CTNND2: variants seen among roughly 807,000 people sequenced by gnomAD.
CTNND2 encodes the protein catenin delta 2.
A neutral mutation model predicts 144.4 loss-of-function variants in CTNND2; 22 were observed. That is an observed-to-expected ratio of 0.15 (90% CI 0.11 to 0.22). The LOEUF is 0.22. Among genes scored for constraint, CTNND2 ranks in the 10% least tolerant of loss-of-function variants. CTNND2 has a pLI of 1.00. For synonymous variants in CTNND2, 751 were observed against 695.6 expected, an observed-to-expected ratio of 1.08 and a Z score of -1.25; for missense variants, 1,353 against 1,618.8, an observed-to-expected ratio of 0.84 and a Z score of 2.82.
chr5:11,903,069 G>A lies in CTNND2; in HGVS notation c.37+748C>T, dbSNP rs1738039379. On this transcript the variant is annotated intron_variant, in intron 1 of 21. Transcript: ENST00000304623. This position sits in a 1 kb window ranked among gnomAD's most constrained non-coding sequence, Gnocchi z 5.4. ...CACTACACACCAGAATAAGATGAGGGTCGGGAAAAAAAGAAAAAAGCAGCT... is the reference window on the plus strand; with the variant it reads ...CACTACACACCAGAATAAGATGAGGATCGGGAAAAAAAGAAAAAAGCAGCT... 1.4e-5 allele frequency: 6 copies of A among 432,828 alleles called. No individual in the cohort carries two copies. In the Admixed American group the frequency reaches 3.2e-4, roughly 23 times the overall value. 26.8% of individuals were successfully genotyped at this position (432,828 alleles called of 1,614,324 possible). A position where few individuals can be genotyped will look rare whatever the true frequency, so the allele number is the denominator to read the frequency against.
At position 11,214,262 on chromosome 5, in the gene CTNND2, G is replaced by A. The variant is rs149962098; in HGVS notation, c.1762-14601C>T. On this transcript the variant is annotated intron_variant, in intron 10 of 21. Transcript: ENST00000304623. ...AACTCTTTTAAAATCTTTCATGCATGAAATGTCAGGTTTATAAAAATCAAG... is the reference window on the plus strand; with the variant it reads ...AACTCTTTTAAAATCTTTCATGCATAAAATGTCAGGTTTATAAAAATCAAG... Among the ~76,000 whole-genome samples, 27 of 152,242 alleles carry A rather than the reference G, an allele frequency of 1.8e-4. 1 individual carries two copies. In the East Asian group the frequency reaches 5.2e-3, roughly 29 times the overall value.
intron 2 of CTNND2, among the ~76,000 whole-genome samples, chr5:11,580,636 C>T (rs147973679): frequency 7.9e-5 from 12 of 152,292 alleles, no homozygotes; most frequent in East Asian, 3.9e-4. Flanking sequence ...CTCCTTCAAG[C>T]GTCAGCCTTT....
intron 1 of CTNND2, among the ~76,000 whole-genome samples, chr5:11,815,895 G>A (rs1792605702): frequency 6.6e-6 from 1 of 152,128 alleles, no homozygotes; most frequent in Admixed American, 6.5e-5. Flanking sequence ...GCAGAGAAAA[G>A]GCTCCTCCTC....
chr5:11,590,047 A>ATTT (rs34867068), intron 2 of CTNND2, among the ~76,000 whole-genome samples: 7 of 144,358 alleles, frequency 4.8e-5, no homozygotes, highest in Non-Finnish European at 6.0e-5. Context: ...GATTTTGTAA[A>ATTT]TTTTTTTTTT....
chr5:11,700,554 G>A (rs546774805), intron 2 of CTNND2, among the ~76,000 whole-genome samples: 1 of 152,104 alleles, frequency 6.6e-6, no homozygotes, highest in Non-Finnish European at 1.5e-5. Context: ...GTGAGAATGT[G>A]CCTCGGGGTG....
chr5:11,031,036 C>T (rs1297748965), intron 16 of CTNND2, among the ~76,000 whole-genome samples: 3 of 152,122 alleles, frequency 2.0e-5, no homozygotes, highest in African/African-American at 7.2e-5. Context: ...GGCATGCATA[C>T]TGGCTCTCTT....
At chr5:11,394,590 T>A (rs997910403) in intron 6 of CTNND2, among the ~76,000 whole-genome samples, 6 of 152,220 alleles carry the variant, frequency 3.9e-5, no homozygotes, top group African/African-American at 1.2e-4. Context: ...ACCAGCTCCA[T>A]GAACTCATCC....
intron 1 of CTNND2, among the ~76,000 whole-genome samples, chr5:11,845,907 A>T (rs920180133): frequency 2.6e-5 from 4 of 152,206 alleles, no homozygotes; most frequent in African/African-American, 4.8e-5. Context: ...AAATGCCTAA[A>T]ATAAATCAAG....
intron 2 of CTNND2, chr5:11,588,636 G>A: frequency 2.4e-6 from 1 of 417,376 alleles, no homozygotes; most frequent in Non-Finnish European, 3.2e-6. Context: ...ACTTTAACCT[G>A]CAGTTTTAAA....
At chr5:11,304,515 T>C (rs1749973947) in intron 9 of CTNND2, among the ~76,000 whole-genome samples, 1 of 152,204 alleles carries the variant, frequency 6.6e-6, no homozygotes, top group Non-Finnish European at 1.5e-5. Flanking sequence ...CTGAAACTTG[T>C]ATAATAATTT....
intron 1 of CTNND2, among the ~76,000 whole-genome samples, chr5:11,837,865 A>G (rs909906971): frequency 4.6e-5 from 7 of 152,170 alleles, no homozygotes; most frequent in African/African-American, 1.4e-4. Flanking sequence ...ACTCTAGGTC[A>G]TTTTTGGAGA....
intron 1 of CTNND2, among the ~76,000 whole-genome samples, chr5:11,887,743 A>G (rs1214368146): frequency 6.6e-6 from 1 of 152,088 alleles, no homozygotes; most frequent in Non-Finnish European, 1.5e-5. Flanking sequence ...GCCACACCAC[A>G]TTTAGTCCTC....
chr5:11,033,164 A>T lies in CTNND2; in HGVS notation c.2789-10185T>A, dbSNP rs1743668390. ...CAGAAATATAGAAATATGCCAATAA[A>T]CATGTGCTGACAAAAAGGTGTTAAT... On this transcript the variant is annotated intron_variant, in intron 16 of 21. Coordinates refer to ENST00000304623, the MANE Select transcript of CTNND2 (RefSeq NM_001332.4). 5.9e-5 allele frequency among the ~76,000 whole-genome samples: 9 copies of T among 152,234 alleles called. 1 individual carries two copies. Among genetic ancestry groups the T allele is most frequent in the Admixed American group, 5.9e-4 (9 of 15,286 alleles).
At chr5:11,469,378 T>C (rs1766953701) in intron 3 of CTNND2, among the ~76,000 whole-genome samples, 1 of 152,178 alleles carries the variant, frequency 6.6e-6, no homozygotes, top group Admixed American at 6.5e-5. Flanking sequence ...TCACCCACAT[T>C]GTTGGGAGTT....
intron 3 of CTNND2, among the ~76,000 whole-genome samples, chr5:11,471,392 T>C (rs1250657968): frequency 6.6e-6 from 1 of 152,224 alleles, no homozygotes; most frequent in Non-Finnish European, 1.5e-5. Context: ...AATGCTTTTC[T>C]GCTGAATTAA....
chr5:11,368,359 G>C (rs1384044606), intron 7 of CTNND2, among the ~76,000 whole-genome samples: 1 of 152,156 alleles, frequency 6.6e-6, no homozygotes, highest in East Asian at 1.9e-4. Flanking sequence ...TGCTTAAACA[G>C]CTCAGAACCT....
At chr5:11,723,912 C>T (rs904700609) in intron 2 of CTNND2, among the ~76,000 whole-genome samples, 34 of 152,116 alleles carry the variant, frequency 2.2e-4, no homozygotes, top group Non-Finnish European at 3.4e-4. Flanking sequence ...AAAAATTAGC[C>T]GGGCGTAGTG....
chr5:11,817,628 A>G (rs1214250318), intron 1 of CTNND2, among the ~76,000 whole-genome samples: 1 of 151,978 alleles, frequency 6.6e-6, no homozygotes, highest in Non-Finnish European at 1.5e-5. Flanking sequence ...GAATCGGATG[A>G]GACTTAAGAC....
chr5:11,157,314 C>T (rs1758312614), intron 12 of CTNND2, among the ~76,000 whole-genome samples: 1 of 152,198 alleles, frequency 6.6e-6, no homozygotes. Context: ...ATGATGCTTT[C>T]CCATTGCATC....
Sources: allele counts gnomAD v4.1 joint callset (sites outside exome capture counted in the v4.1 genomes callset), GRCh38; gene constraint gnomAD v4.1.1; non-coding constraint Gnocchi (gnomAD v3.1); transcripts MANE v1.5; gene names NCBI Gene and HGNC (gene_info 2026-07-23, HGNC 2026-07-21).